The following MAF variants were observed in gnomAD, a reference collection of about 807,000 sequenced individuals.
MAF encodes transcription factor Maf.
A neutral mutation model predicts 22.0 loss-of-function variants in MAF; 10 were observed. The ratio of observed to expected loss-of-function variants is 0.45; its 90% CI spans 0.28 to 0.77. The LOEUF is 0.77. Among genes scored for constraint, MAF ranks in the 30% least tolerant of loss-of-function variants. The probability of loss-of-function intolerance (pLI) is 0.12; values close to 1 mark genes in which losing one functional copy is unlikely to be tolerated. For synonymous variants in MAF, 337 were observed against 255.8 expected (o/e 1.32, Z -3.03); for missense variants, 544 against 548.4 (o/e 0.99, Z 0.08).
At chr16:79,413,902 G>A in the MAF span, among the ~76,000 whole-genome samples, 2 of 152,198 alleles carry the variant, frequency 1.3e-5, no homozygotes, top group Non-Finnish European at 2.9e-5. Flanking sequence ...CCCAAATCCA[G>A]TGGGGAATCA....
At chr16:79,520,612 T>C in the MAF span, among the ~76,000 whole-genome samples, 1 of 152,198 alleles carries the variant, frequency 6.6e-6, no homozygotes, top group Non-Finnish European at 1.5e-5. Flanking sequence ...GGTGGCCAAC[T>C]TGAAAGCAAA....
chr16:79,421,900 C>T, the MAF span, among the ~76,000 whole-genome samples: 2 of 152,228 alleles, frequency 1.3e-5, no homozygotes, highest in African/African-American at 4.8e-5. Flanking sequence ...GCCTCACCCT[C>T]CTGGGTAGCT....
the MAF span, among the ~76,000 whole-genome samples, chr16:79,353,310 G>C: frequency 6.6e-6 from 1 of 152,040 alleles, no homozygotes; most frequent in African/African-American, 2.4e-5. Flanking sequence ...TGTATTTTTA[G>C]TAGAGACAGG....
chr16:79,420,434 G>T, the MAF span, among the ~76,000 whole-genome samples: 1 of 152,208 alleles, frequency 6.6e-6, no homozygotes, highest in Non-Finnish European at 1.5e-5. Context: ...AGAAGATGTG[G>T]CTTCTTGGCT....
the MAF span, among the ~76,000 whole-genome samples, chr16:79,480,184 C>A: frequency 6.6e-6 from 1 of 152,096 alleles, no homozygotes; most frequent in African/African-American, 2.4e-5. Flanking sequence ...GCGTGAGTAT[C>A]CACTCGTTGG....
At chr16:79,254,315 C>T in the MAF span, among the ~76,000 whole-genome samples, 15 of 152,042 alleles carry the variant, frequency 9.9e-5, no homozygotes, top group African/African-American at 3.1e-4. Flanking sequence ...TTATTTAACA[C>T]GGTAGCATCA....
the MAF span, among the ~76,000 whole-genome samples, chr16:79,344,363 A>C: frequency 5.9e-5 from 9 of 152,228 alleles, no homozygotes; most frequent in Non-Finnish European, 8.8e-5. Context: ...GCTCATATCC[A>C]AGTCTGGTGG....
the MAF span, among the ~76,000 whole-genome samples, chr16:79,370,766 T>C: frequency 6.6e-6 from 1 of 152,168 alleles, no homozygotes; most frequent in Non-Finnish European, 1.5e-5. Flanking sequence ...CTTGCCTACA[T>C]AACTGAAATA....
chr16:79,460,422 T>C, the MAF span, among the ~76,000 whole-genome samples: 1 of 152,228 alleles, frequency 6.6e-6, no homozygotes, highest in South Asian at 2.1e-4. Context: ...GTTACCTTCA[T>C]AATATACTAA....
the MAF span, among the ~76,000 whole-genome samples, chr16:79,373,470 T>C: frequency 2.7e-4 from 37 of 139,314 alleles, no homozygotes; most frequent in South Asian, 9.1e-3. Context: ...GCAACCTCCA[T>C]CTCCTGGGTT....
the MAF span, among the ~76,000 whole-genome samples, chr16:79,426,944 C>T: frequency 6.6e-6 from 1 of 152,130 alleles, no homozygotes; most frequent in Non-Finnish European, 1.5e-5. Flanking sequence ...TCTTTGTGTG[C>T]CTGAATCAAA....
At chr16:79,475,453 T>A in the MAF span, among the ~76,000 whole-genome samples, 1 of 151,750 alleles carries the variant, frequency 6.6e-6, no homozygotes, top group African/African-American at 2.4e-5. Flanking sequence ...AACAATGCAC[T>A]TCACTCTTTC....
At chr16:79,235,426 G>C in the MAF span, among the ~76,000 whole-genome samples, 4 of 152,054 alleles carry the variant, frequency 2.6e-5, no homozygotes, top group African/African-American at 4.8e-5. Context: ...GCTGGGCATG[G>C]TGGCACACGC....
chr16:79,466,564 G>C, the MAF span, among the ~76,000 whole-genome samples: 5 of 152,194 alleles, frequency 3.3e-5, 1 homozygote, highest in African/African-American at 9.7e-5. Flanking sequence ...ATCTTCCTCA[G>C]GTTGGCACCT....
chr16:79,266,675 G>A, the MAF span, among the ~76,000 whole-genome samples: 1 of 152,184 alleles, frequency 6.6e-6, no homozygotes, highest in Non-Finnish European at 1.5e-5. Context: ...CTTGAGACAT[G>A]AGGGAGAGTA....
At chr16:79,344,451 G>A in the MAF span, among the ~76,000 whole-genome samples, 3 of 152,124 alleles carry the variant, frequency 2.0e-5, no homozygotes, top group Admixed American at 6.5e-5. Flanking sequence ...GGAAGAGGGC[G>A]CTCTTAATAA....
the MAF span, among the ~76,000 whole-genome samples, chr16:79,514,198 T>C: frequency 6.6e-6 from 1 of 152,182 alleles, no homozygotes; most frequent in Non-Finnish European, 1.5e-5. Flanking sequence ...GAAAAGCAAA[T>C]GTGTTCTCAT....
At chr16:79,472,753 A>G in the MAF span, among the ~76,000 whole-genome samples, 1 of 152,102 alleles carries the variant, frequency 6.6e-6, no homozygotes, top group Non-Finnish European at 1.5e-5. Flanking sequence ...CACACTTTAA[A>G]TTGGTGAATT....
At chr16:79,546,853 G>T in the MAF span, among the ~76,000 whole-genome samples, 1 of 152,178 alleles carries the variant, frequency 6.6e-6, no homozygotes, top group Admixed American at 6.5e-5. Context: ...ATTACAGTGG[G>T]AGGATGGACT....
Sources: allele counts gnomAD v4.1 joint callset (sites outside exome capture counted in the v4.1 genomes callset), GRCh38; gene constraint gnomAD v4.1.1; transcripts MANE v1.5; gene names NCBI Gene and HGNC (gene_info 2026-07-23, HGNC 2026-07-21).